HORMAD2: variants seen among roughly 807,000 people sequenced by gnomAD.
HORMAD2 encodes HORMA domain-containing protein 2.
In HORMAD2, 45 loss-of-function variants were observed where a neutral mutation model predicts 38.8. The ratio of observed to expected loss-of-function variants is 1.16; its 90% CI spans 0.91 to 1.49. The LOEUF (loss-of-function observed/expected upper bound fraction) is 1.49, where lower values mean the gene tolerates loss of function less well. Among genes scored for constraint, HORMAD2 ranks in the 40% most tolerant of loss-of-function variants. The pLI, the probability that HORMAD2 is intolerant of heterozygous loss-of-function variation, is 0.00. For synonymous variants in HORMAD2, 126 were observed against 122.8 expected (o/e 1.03, Z -0.17); for missense variants, 338 against 367.0 (o/e 0.92, Z 0.65).
At chr22:30,114,176 G>A (rs1256022242) in intron 7 of HORMAD2, among the ~76,000 whole-genome samples, 2 of 152,122 alleles carry the variant, frequency 1.3e-5, no homozygotes, top group Non-Finnish European at 2.9e-5. Flanking sequence ...AACAAAAGCT[G>A]GTTATGTGGT....
chr22:30,194,128 T>C, the HORMAD2 span, among the ~76,000 whole-genome samples: 1 of 152,174 alleles, frequency 6.6e-6, no homozygotes, highest in Non-Finnish European at 1.5e-5. Context: ...GCCACTGAAG[T>C]ATTGTCATGT....
chr22:30,103,648 G>GT (rs1569087601), intron 4 of HORMAD2, 148 bp downstream of exon 4: 37 of 73,660 alleles, frequency 5.0e-4, no homozygotes, highest in African/African-American at 9.7e-4. Context: ...TTCTGTTTTT[G>GT]ATTTTTTTTT....
the HORMAD2 span, among the ~76,000 whole-genome samples, chr22:30,199,276 C>G: frequency 6.6e-6 from 1 of 152,230 alleles, no homozygotes; most frequent in Admixed American, 6.5e-5. Flanking sequence ...ACCTCTCCCC[C>G]TTTCTTTCTC....
intron 5 of HORMAD2, among the ~76,000 whole-genome samples, chr22:30,110,367 G>A (rs1188059568): frequency 2.7e-5 from 4 of 148,576 alleles, no homozygotes; most frequent in African/African-American, 7.4e-5. Context: ...AATTGCTATC[G>A]AATTGTGAGC....
intron 1 of HORMAD2, among the ~76,000 whole-genome samples, chr22:30,093,128 G>A (rs1234885589): frequency 2.0e-5 from 3 of 151,950 alleles, no homozygotes; most frequent in South Asian, 2.1e-4. Context: ...CAATGAATAC[G>A]GGATGCCTTT....
rs540048690 is a variant in HORMAD2 at position 30,157,220 on chromosome 22, G to T, written c.820-18843G>T. On this transcript the variant is annotated intron_variant, in intron 10 of 10. Transcript: ENST00000336726. ...TAGCTTTACAGTCCACTTACAAGGA[G>T]ACTAACAAAGCTCCTCTGTGGGTGT... is the stretch of plus-strand genomic sequence containing the variant. Among the ~76,000 whole-genome samples, 6 of 152,274 alleles carry T rather than the reference G, an allele frequency of 3.9e-5. No homozygotes were observed. The South Asian group carries it at 1.2e-3, about 32-fold the overall frequency.
intron 10 of HORMAD2, among the ~76,000 whole-genome samples, chr22:30,124,572 C>T (rs753787480): frequency 1.3e-5 from 2 of 152,106 alleles, no homozygotes; most frequent in Non-Finnish European, 2.9e-5. Flanking sequence ...ATGAGTACAT[C>T]TACTCGTTTT....
At chr22:30,181,820 A>G (rs1278832995), downstream of HORMAD2, among the ~76,000 whole-genome samples, 1 of 152,182 alleles carries the variant, frequency 6.6e-6, no homozygotes, top group Non-Finnish European at 1.5e-5. Flanking sequence ...AAGGCAATCA[A>G]CATTTGACTG....
At chr22:30,180,986 C>T (rs1468978874), downstream of HORMAD2, among the ~76,000 whole-genome samples, 1 of 137,148 alleles carries the variant, frequency 7.3e-6, no homozygotes, top group Non-Finnish European at 1.6e-5. Context: ...CCTCTCCTCC[C>T]CTCTCCTCCC....
At chr22:30,109,524 C>T (rs1392023922) in intron 5 of HORMAD2, among the ~76,000 whole-genome samples, 4 of 151,584 alleles carry the variant, frequency 2.6e-5, no homozygotes, top group Non-Finnish European at 5.9e-5. Flanking sequence ...ACCATGTTTC[C>T]CAGGCTGGCT....
At chr22:30,203,746 C>T in the HORMAD2 span, among the ~76,000 whole-genome samples, 1 of 152,200 alleles carries the variant, frequency 6.6e-6, no homozygotes, top group African/African-American at 2.4e-5. Context: ...CATTCTCACG[C>T]AAAACACACA....
At chr22:30,161,005 T>C (rs553704108) in intron 10 of HORMAD2, among the ~76,000 whole-genome samples, 17 of 152,324 alleles carry the variant, frequency 1.1e-4, no homozygotes, top group African/African-American at 3.8e-4. Context: ...CAATTGAATT[T>C]AGGGCCAATT....
intron 10 of HORMAD2, among the ~76,000 whole-genome samples, chr22:30,167,227 A>G (rs1016523111): frequency 1.3e-5 from 2 of 152,178 alleles, no homozygotes; most frequent in Non-Finnish European, 2.9e-5. Flanking sequence ...CTGTCTTACA[A>G]GGATACATCT....
chr22:30,177,350 C>G (rs980133451), downstream of HORMAD2, among the ~76,000 whole-genome samples: 5 of 152,192 alleles, frequency 3.3e-5, no homozygotes, highest in Non-Finnish European at 5.9e-5. Flanking sequence ...TCCCAGGGAG[C>G]CTGCCTGTTC....
chr22:30,134,330 C>T (rs756334148), intron 10 of HORMAD2, among the ~76,000 whole-genome samples: 54 of 139,438 alleles, frequency 3.9e-4, no homozygotes, highest in Admixed American at 1.1e-3. Flanking sequence ...ACCCGGGAGG[C>T]GAAGGTTGCA....
Position 30,116,772 on chromosome 22 carries a change from T to G in HORMAD2, c.343-2208T>G, listed in dbSNP as rs192786817. On this transcript the variant is annotated intron_variant, in intron 7 of 10. Coordinates refer to ENST00000336726, the MANE Select transcript of HORMAD2 (RefSeq NM_152510.4). The stretch of plus-strand genomic sequence containing the variant: ...ATCAAATAATAAAGTGTAAATAAAA[T>G]TATCAACTACTAAAACAACCTACTC... Among the ~76,000 whole-genome samples the G allele has an allele frequency of 1.8e-3, 272 of 152,252 alleles. 1 individual carries two copies. Among genetic ancestry groups the G allele is most frequent in the Admixed American group, 3.4e-3 (52 of 15,278 alleles).
intron 10 of HORMAD2, among the ~76,000 whole-genome samples, chr22:30,169,653 C>T (rs1219394333): frequency 6.6e-6 from 1 of 152,190 alleles, no homozygotes; most frequent in African/African-American, 2.4e-5. Context: ...TCCTTAGATC[C>T]AGTTCACATA....
chr22:30,117,008 A>G (rs1312625150), intron 7 of HORMAD2, among the ~76,000 whole-genome samples: 1 of 152,186 alleles, frequency 6.6e-6, no homozygotes, highest in African/African-American at 2.4e-5. Context: ...CTCCTATTGT[A>G]TTTACAAAGC....
intron 10 of HORMAD2, among the ~76,000 whole-genome samples, chr22:30,164,931 G>A (rs951917194): frequency 1.3e-5 from 2 of 152,140 alleles, no homozygotes; most frequent in African/African-American, 4.8e-5. Flanking sequence ...ATCCTTTGAT[G>A]CACAAAAGTT....
Sources: allele counts gnomAD v4.1 joint callset (sites outside exome capture counted in the v4.1 genomes callset), GRCh38; gene constraint gnomAD v4.1.1; transcripts MANE v1.5; gene names NCBI Gene and HGNC (gene_info 2026-07-23, HGNC 2026-07-21).